The following GSTCD variants were observed in gnomAD, a reference collection of about 807,000 sequenced individuals.
GSTCD encodes glutathione S-transferase C-terminal domain-containing protein.
In GSTCD, 44 loss-of-function variants were observed where a neutral mutation model predicts 68.3. The observed-to-expected ratio is 0.64, with a 90% CI of 0.51 to 0.83. The LOEUF is 0.83. Ranked by LOEUF, GSTCD falls within the 40% of genes least tolerant of loss-of-function variation. The pLI, the probability that GSTCD is intolerant of heterozygous loss-of-function variation, is 0.00. For missense variants in GSTCD, 739 were observed against 735.9 expected, an observed-to-expected ratio of 1.00 and a Z score of -0.05; for synonymous variants, 273 against 255.2, an observed-to-expected ratio of 1.07 and a Z score of -0.67.
intron 4 of GSTCD, 75 bp from the exon 5 acceptor site, chr4:105,729,330 TA>T: frequency 1.3e-6 from 1 of 789,254 alleles, no homozygotes; most frequent in Non-Finnish European, 2.0e-6. Context: ...TATACAAATA[TA>T]ATTTTTTAGC....
intron 5 of GSTCD, among the ~76,000 whole-genome samples, chr4:105,759,771 A>C (rs973032731): frequency 6.6e-6 from 1 of 152,196 alleles, no homozygotes; most frequent in Non-Finnish European, 1.5e-5. Flanking sequence ...ATTTTTACAA[A>C]TTTTTACCAA....
At chr4:105,751,793 T>C (rs1490816829) in intron 5 of GSTCD, among the ~76,000 whole-genome samples, 1 of 152,172 alleles carries the variant, frequency 6.6e-6, no homozygotes, top group Non-Finnish European at 1.5e-5. Context: ...ATTTCAATTA[T>C]ACATCTCCAT....
At chr4:105,821,147 C>G (rs1204868291) in intron 5 of GSTCD, 4 of 151,850 alleles carry the variant, frequency 2.6e-5, no homozygotes, top group African/African-American at 9.7e-5. Flanking sequence ...TCTGACACCT[C>G]CTTTCCTCCC....
chr4:105,713,189 G>A (rs1732590187), intron 1 of GSTCD, among the ~76,000 whole-genome samples: 1 of 151,512 alleles, frequency 6.6e-6, no homozygotes, highest in Admixed American at 6.6e-5. Context: ...ATACCTAATT[G>A]TGTGGCATGC....
At chr4:105,793,079 T>C (rs1386341063) in intron 5 of GSTCD, among the ~76,000 whole-genome samples, 1 of 152,026 alleles carries the variant, frequency 6.6e-6, no homozygotes, top group Non-Finnish European at 1.5e-5. Flanking sequence ...AAGTCTCATA[T>C]AAAAGTATGA....
At chr4:105,779,705 T>G (rs759262130) in intron 5 of GSTCD, among the ~76,000 whole-genome samples, 12 of 152,196 alleles carry the variant, frequency 7.9e-5, no homozygotes, top group Non-Finnish European at 1.5e-4. Context: ...TGTGCAAGAA[T>G]GTTTTTGACA....
chr4:105,712,428 A>G (rs1320891062), intron 1 of GSTCD: 2 of 152,282 alleles, frequency 1.3e-5, no homozygotes, highest in Non-Finnish European at 2.9e-5. Context: ...GTGAAGAAGG[A>G]TAAGAGATGA....
At chr4:105,758,110 A>C (rs528897768) in intron 5 of GSTCD, among the ~76,000 whole-genome samples, 8 of 152,190 alleles carry the variant, frequency 5.3e-5, no homozygotes, top group Non-Finnish European at 1.0e-4. Flanking sequence ...TACCCCTAAT[A>C]TAACCGCTGA....
chr4:105,758,286 A>G (rs1241030012), intron 5 of GSTCD, among the ~76,000 whole-genome samples: 1 of 152,164 alleles, frequency 6.6e-6, no homozygotes, highest in African/African-American at 2.4e-5. Context: ...TCCCCGTGAT[A>G]CAGCTTTTTG....
chr4:105,845,395 C>G, intron 11 of GSTCD, 46 bp from the exon 12 acceptor site: 1 of 1,610,576 alleles, frequency 6.2e-7, no homozygotes, highest in South Asian at 1.1e-5. Context: ...TGAAACTGTC[C>G]TGCTAGTGAA....
Position 105,834,511 on chromosome 4 carries a change from T to C in GSTCD, c.1581T>C (p.Cys527=). 6.2e-7 allele frequency: 1 copy of C among 1,614,140 alleles called. No homozygotes were observed. The change falls in exon 9 of 12, where the codon TGT becomes TGC. Residue 527 remains cysteine, a synonymous_variant. Coordinates refer to ENST00000515279, the MANE Select transcript of GSTCD (RefSeq NM_001370181.1). ...GVATDMVIEH[C]IKTRASFVTC... is the part of the protein sequence containing the mutation. ...CAACAGACATGGTGATTGAGCACTGTATCAAAACACGGGCTTCCTTCGTCA... is the reference window on the plus strand; with the variant it reads ...CAACAGACATGGTGATTGAGCACTGCATCAAAACACGGGCTTCCTTCGTCA...
At chr4:105,733,260 G>A (rs546181426) in intron 5 of GSTCD, among the ~76,000 whole-genome samples, 82 of 152,226 alleles carry the variant, frequency 5.4e-4, no homozygotes, top group South Asian at 1.0e-3. Context: ...TTTCTCTCTC[G>A]TTGATCTGTC....
At chr4:105,793,204 T>C (rs1735741623) in intron 5 of GSTCD, among the ~76,000 whole-genome samples, 1 of 152,042 alleles carries the variant, frequency 6.6e-6, no homozygotes, top group Non-Finnish European at 1.5e-5. Context: ...GAAACATCTC[T>C]GACCTATAAC....
intron 4 of GSTCD, among the ~76,000 whole-genome samples, chr4:105,728,444 C>G (rs373501623): frequency 3.3e-5 from 5 of 152,064 alleles, no homozygotes; most frequent in African/African-American, 1.2e-4. Context: ...ATGTGTTTGT[C>G]TTTCTGGAGG....
intron 8 of GSTCD, among the ~76,000 whole-genome samples, chr4:105,829,849 CAAGAAAGGACGTCTTGAAAAATA>C (rs1197369130): frequency 6.6e-6 from 1 of 151,088 alleles, no homozygotes; most frequent in African/African-American, 2.4e-5. Flanking sequence ...GATCAGAGAA[CAAGAAAGGACGTCTTGAAAAATA>C]AAAATGTTAG....
rs774926084 is a variant in GSTCD at position 105,719,434 on chromosome 4, C to T, written c.801C>T (p.Ala267=). Residue 267 remains alanine, a synonymous_variant, in exon 3 of 12, where the codon GCC becomes GCT. Coordinates refer to ENST00000515279, the MANE Select transcript of GSTCD (RefSeq NM_001370181.1). Reference sequence around the variant, plus strand: ...CTTCTCACATCAGAAAAGCAAAAGCCTCCGACCTTCCACCTCTGGAGCATG... The same window carrying T: ...CTTCTCACATCAGAAAAGCAAAAGCTTCCGACCTTCCACCTCTGGAGCATG... ...REPSHIRKAK[A]SDLPPLEHVF... The T allele has an allele frequency of 1.2e-6, 2 of 1,614,056 alleles. No individual in the cohort carries two copies.
chr4:105,725,589 A>AT (rs113065774), intron 3 of GSTCD, among the ~76,000 whole-genome samples: 7 of 151,704 alleles, frequency 4.6e-5, no homozygotes, highest in East Asian at 1.9e-4. Context: ...GATGCTGAGC[A>AT]TTTTTTTTAT....
At chr4:105,714,006 A>G (rs1457057476) in intron 1 of GSTCD, among the ~76,000 whole-genome samples, 1 of 151,526 alleles carries the variant, frequency 6.6e-6, no homozygotes, top group African/African-American at 2.4e-5. Context: ...GCTAAGATAT[A>G]TTCATTAGAA....
chr4:105,818,741 A>C (rs528234173), intron 5 of GSTCD, among the ~76,000 whole-genome samples: 1 of 151,876 alleles, frequency 6.6e-6, no homozygotes, highest in South Asian at 2.1e-4. Context: ...GGGGTATAAC[A>C]AGGGAAGAGG....
Sources: allele counts gnomAD v4.1 joint callset (sites outside exome capture counted in the v4.1 genomes callset), GRCh38; gene constraint gnomAD v4.1.1; transcripts MANE v1.5; gene names NCBI Gene and HGNC (gene_info 2026-07-23, HGNC 2026-07-21).